The following TPD52L1 variants were observed in gnomAD, a reference collection of about 807,000 sequenced individuals.
TPD52L1 encodes TPD52 like 1.
Under a neutral mutation model 28.7 loss-of-function variants are expected in TPD52L1, and 18 were observed. The observed-to-expected ratio is 0.63, with a 90% CI of 0.43 to 0.93. The LOEUF (loss-of-function observed/expected upper bound fraction) is 0.93. Ranked by LOEUF, TPD52L1 falls within the 40% of genes least tolerant of loss-of-function variation. The pLI is 0.00. For synonymous variants in TPD52L1, 75 were observed against 88.8 expected, an observed-to-expected ratio of 0.84 and a Z score of 0.88; for missense variants, 203 against 254.8, an observed-to-expected ratio of 0.80 and a Z score of 1.39.
chr6:125,261,773 G>A (rs1302528603), intron 6 of TPD52L1: 2 of 151,906 alleles, frequency 1.3e-5, no homozygotes, highest in African/African-American at 4.8e-5. Flanking sequence ...TTTTTAAATT[G>A]TAAGTTAATT....
chr6:125,191,832 T>A (rs564237207), intron 1 of TPD52L1, among the ~76,000 whole-genome samples: 13 of 152,306 alleles, frequency 8.5e-5, no homozygotes, highest in Middle Eastern at 3.4e-3. Flanking sequence ...TACCTTGTCA[T>A]TACAAGCTAT....
intron 5 of TPD52L1, among the ~76,000 whole-genome samples, chr6:125,256,491 C>A (rs1797609623): frequency 6.6e-6 from 1 of 152,176 alleles, no homozygotes; most frequent in Non-Finnish European, 1.5e-5. Flanking sequence ...TATGTTTCAT[C>A]TTAAAATAAT....
rs1791814561 is a variant in TPD52L1, at chr6:125,176,229, A to T, written c.19+22259A>T. On this transcript the variant is annotated intron_variant, in intron 1 of 6. Transcript: ENST00000534000. ...TTATAATGCACATGTGGCCTGCTCT[A>T]CTTAGCTAGTTCATCGAGATTTATG... 3.3e-5 allele frequency among the ~76,000 whole-genome samples: 5 copies of T among 152,226 alleles called. No homozygotes were observed. In the South Asian group the frequency reaches 1.0e-3, roughly 32 times the overall value.
At chr6:125,154,248 T>A in intron 1 of TPD52L1, 1 of 1,250,500 alleles carries the variant, frequency 8.0e-7, no homozygotes. Context: ...CCGCAGCCAG[T>A]CGCCCCTGGC....
At chr6:125,190,035 G>C (rs1792929926) in intron 1 of TPD52L1, among the ~76,000 whole-genome samples, 1 of 151,900 alleles carries the variant, frequency 6.6e-6, no homozygotes, top group African/African-American at 2.4e-5. Flanking sequence ...TGTCGGTGGT[G>C]GTTAGGACAG....
chr6:125,193,402 T>C (rs1317309456), intron 1 of TPD52L1, among the ~76,000 whole-genome samples: 1 of 152,152 alleles, frequency 6.6e-6, no homozygotes, highest in African/African-American at 2.4e-5. Flanking sequence ...ACTGAGTCAC[T>C]GTTCCTCATG....
chr6:125,251,943 CA>C, intron 4 of TPD52L1: 8 of 1,469,824 alleles, frequency 5.4e-6, no homozygotes, highest in African/African-American at 1.4e-5. Context: ...AGGGGACCAC[CA>C]AGGGCAGTGC....
At chr6:125,165,099 T>TATATATATATATATATATATTTA (rs1185611851) in intron 1 of TPD52L1, among the ~76,000 whole-genome samples, 1 of 144,324 alleles carries the variant, frequency 6.9e-6, no homozygotes, top group African/African-American at 2.7e-5. Context: ...TATATATATA[T>TATATATATATATATATATATTTA]TTTAACTGTA....
chr6:125,182,812 A>T (rs2114826298), intron 1 of TPD52L1, among the ~76,000 whole-genome samples: 1 of 152,226 alleles, frequency 6.6e-6, no homozygotes, highest in East Asian at 1.9e-4. Context: ...ACAGACGAGT[A>T]AACAGAGGCC....
At chr6:125,230,913 G>A (rs578189535) in intron 3 of TPD52L1, among the ~76,000 whole-genome samples, 87 of 152,158 alleles carry the variant, frequency 5.7e-4, no homozygotes, top group Non-Finnish European at 1.0e-3. Flanking sequence ...GAAAAAATAA[G>A]AAACCACACA....
At chr6:125,218,599 T>C (rs1009217088) in intron 1 of TPD52L1, among the ~76,000 whole-genome samples, 1 of 152,204 alleles carries the variant, frequency 6.6e-6, no homozygotes, top group African/African-American at 2.4e-5. Context: ...ATTATTAATC[T>C]TGTTCGTCCG....
At chr6:125,233,624 G>GT (rs1394223068) in intron 3 of TPD52L1, among the ~76,000 whole-genome samples, 2 of 151,986 alleles carry the variant, frequency 1.3e-5, no homozygotes, top group Admixed American at 6.5e-5. Flanking sequence ...AATCTTAAAT[G>GT]TTTTTTTGTA....
At chr6:125,190,485 A>G (rs1209246895) in intron 1 of TPD52L1, among the ~76,000 whole-genome samples, 1 of 152,134 alleles carries the variant, frequency 6.6e-6, no homozygotes, top group East Asian at 1.9e-4. Flanking sequence ...CCTGGAAGAC[A>G]GTTTTTCCAC....
intron 1 of TPD52L1, among the ~76,000 whole-genome samples, chr6:125,165,600 C>A (rs1198390205): frequency 1.3e-5 from 2 of 152,186 alleles, no homozygotes; most frequent in Non-Finnish European, 2.9e-5. Context: ...TATGTTACAC[C>A]TCATCTCCAA....
At chr6:125,253,138 A>G (rs1328667924) in intron 4 of TPD52L1, 2 of 152,438 alleles carry the variant, frequency 1.3e-5, no homozygotes, top group Non-Finnish European at 2.9e-5. Context: ...TTTGTACCAG[A>G]TGTTCTTGAC....
At chr6:125,256,499 A>T (rs1352999257) in intron 5 of TPD52L1, among the ~76,000 whole-genome samples, 1 of 152,254 alleles carries the variant, frequency 6.6e-6, no homozygotes, top group African/African-American at 2.4e-5. Context: ...ATCTTAAAAT[A>T]ATGAAAGCAT....
chr6:125,186,231 C>T (rs532496451), intron 1 of TPD52L1, among the ~76,000 whole-genome samples: 15 of 152,218 alleles, frequency 9.9e-5, no homozygotes, highest in African/African-American at 3.4e-4. Flanking sequence ...AAACTTTCTC[C>T]GTAAAGACCA....
intron 1 of TPD52L1, among the ~76,000 whole-genome samples, chr6:125,172,108 CTTT>C (rs1562209965): frequency 0.11 from 6,938 of 65,904 alleles, 265 homozygotes; most frequent in Middle Eastern, 0.19. Context: ...CCCTTTCTTT[CTTT>C]CTTTCTTTCT....
intron 1 of TPD52L1, among the ~76,000 whole-genome samples, chr6:125,217,974 C>T (rs1794991901): frequency 6.6e-6 from 1 of 152,068 alleles, no homozygotes; most frequent in African/African-American, 2.4e-5. Context: ...CCACAGTATG[C>T]TTATGTATTG....
Sources: gnomAD v4.1 joint callset for allele counts (sites outside exome capture counted in the v4.1 genomes callset) on GRCh38, gnomAD v4.1.1 for gene constraint, MANE v1.5 for transcripts, NCBI Gene and HGNC (gene_info 2026-07-23, HGNC 2026-07-21) for gene names.